Variants in DDX10 observed in about 807,000 individuals in gnomAD.
DDX10 encodes the protein probable ATP-dependent RNA helicase DDX10.
A neutral mutation model predicts 104.3 loss-of-function variants in DDX10; 74 were observed. The ratio of observed to expected loss-of-function variants is 0.71; its 90% CI spans 0.59 to 0.86. The LOEUF is 0.86. DDX10 is among the 40% of genes least tolerant of loss of function. DDX10 has a pLI of 0.00. For synonymous variants in DDX10, 351 were observed against 353.4 expected, an observed-to-expected ratio of 0.99 and a Z score of 0.08; for missense variants, 952 against 1,040.0, an observed-to-expected ratio of 0.92 and a Z score of 1.16.
chr11:108,727,630 A>C (rs533963796), intron 13 of DDX10: 1 of 152,960 alleles, frequency 6.5e-6, no homozygotes, highest in South Asian at 2.1e-4. Context: ...TCTATTTTAG[A>C]AATCAATTAA....
intron 13 of DDX10, among the ~76,000 whole-genome samples, chr11:108,728,805 C>T (rs1000118369): frequency 2.0e-5 from 3 of 152,052 alleles, no homozygotes; most frequent in African/African-American, 7.2e-5. Flanking sequence ...GGCAGTAAGC[C>T]GCTGTGCCCT....
intron 9 of DDX10, among the ~76,000 whole-genome samples, chr11:108,704,810 C>A (rs367978044): frequency 6.6e-6 from 1 of 152,176 alleles, no homozygotes; most frequent in Admixed American, 6.5e-5. Context: ...CTCCCTCTGT[C>A]CCCTGTCTGT....
At chr11:108,795,757 T>C in intron 13 of DDX10, among the ~76,000 whole-genome samples, 1 of 152,044 alleles carries the variant, frequency 6.6e-6, no homozygotes, top group East Asian at 1.9e-4. Flanking sequence ...GACATTTGGG[T>C]TGGTTCCAAG....
intron 13 of DDX10, among the ~76,000 whole-genome samples, chr11:108,807,145 G>T (rs1031996917): frequency 6.6e-6 from 1 of 152,126 alleles, no homozygotes; most frequent in African/African-American, 2.4e-5. Flanking sequence ...ATTTCCTAAT[G>T]AATTAGAGAT....
At chr11:108,672,083 A>G (rs1487217656) in intron 1 of DDX10, among the ~76,000 whole-genome samples, 1 of 151,800 alleles carries the variant, frequency 6.6e-6, no homozygotes, top group East Asian at 1.9e-4. Context: ...AAAAAAAAAA[A>G]AAAGGAATAT....
At chr11:108,767,042 C>A (rs1019248683) in intron 13 of DDX10, among the ~76,000 whole-genome samples, 1 of 152,160 alleles carries the variant, frequency 6.6e-6, no homozygotes, top group African/African-American at 2.4e-5. Flanking sequence ...GGGGTACCAG[C>A]TGTTTCAGCT....
chr11:108,800,979 A>G (rs988737379), intron 13 of DDX10, among the ~76,000 whole-genome samples: 4 of 152,226 alleles, frequency 2.6e-5, no homozygotes, highest in African/African-American at 9.6e-5. Flanking sequence ...GTATTAATAT[A>G]TGCTTAAATT....
chr11:108,838,381 T>C, intron 13 of DDX10, 65 bp from the exon 14 acceptor site: 1 of 1,535,050 alleles, frequency 6.5e-7, no homozygotes, highest in South Asian at 1.3e-5. Context: ...ATTGCCAGAG[T>C]TGGATTGTTA....
At chr11:108,931,512 C>A (rs1863975207) in intron 17 of DDX10, among the ~76,000 whole-genome samples, 1 of 152,090 alleles carries the variant, frequency 6.6e-6, no homozygotes, top group Non-Finnish European at 1.5e-5. Context: ...TGTTAAGTAA[C>A]TATTTTTAAA....
At chr11:108,838,630 C>G in intron 14 of DDX10, 65 bp downstream of exon 14, 1 of 1,513,616 alleles carries the variant, frequency 6.6e-7, no homozygotes, top group Non-Finnish European at 8.9e-7. Context: ...TCGACTCTCT[C>G]TTACTTAGCA....
At chr11:108,788,047 C>T (rs546693137) in intron 13 of DDX10, among the ~76,000 whole-genome samples, 2 of 152,328 alleles carry the variant, frequency 1.3e-5, no homozygotes, top group South Asian at 4.1e-4. Flanking sequence ...GATTGTTTTA[C>T]TGTATTCCTT....
chr11:108,723,876 C>G (rs1020662506), intron 13 of DDX10, among the ~76,000 whole-genome samples: 1 of 152,050 alleles, frequency 6.6e-6, no homozygotes. Flanking sequence ...ACTCTTAGTG[C>G]GACATTTGTT....
At chr11:108,786,771 G>T (rs569515527) in intron 13 of DDX10, among the ~76,000 whole-genome samples, 1 of 152,170 alleles carries the variant, frequency 6.6e-6, no homozygotes, top group African/African-American at 2.4e-5. Flanking sequence ...GAAGGCACCA[G>T]ACAGTTGGGT....
intron 13 of DDX10, among the ~76,000 whole-genome samples, chr11:108,817,743 G>C (rs1028754402): frequency 1.3e-5 from 2 of 152,262 alleles, no homozygotes; most frequent in South Asian, 2.1e-4. Context: ...CTTAAAAAGT[G>C]CTTTTAAATA....
Position 108,852,184 on chromosome 11 carries a change from G to A in DDX10, c.2279G>A (p.Arg760Lys), listed in dbSNP as rs1429217623. The A allele has an allele frequency of 1.2e-6, 2 of 1,611,524 alleles. No individual in the cohort carries two copies. The highest frequency in any genetic ancestry group is 2.2e-5 in the South Asian group (2 of 90,646). ...AGACTGAAAGAAAGGGAAGCCAGAA[G>A]AGAAGCCAACAAGAGACAAGCAAAG... is the stretch of plus-strand genomic sequence containing the variant. ...EKRLKEREAR[R>K]EANKRQAKAK... Residue 760 changes from arginine to lysine, a missense_variant, in exon 16 of 18, where the codon AGA (arginine) becomes AAA (lysine). This residue lies in a region of DDX10 where 533 missense variants were observed against 534.1 expected (regional missense o/e 1.00). Transcript: ENST00000322536.
At chr11:108,675,923 A>G (rs1014641240) in intron 3 of DDX10, 197 bp downstream of exon 3, 5 of 589,770 alleles carry the variant, frequency 8.5e-6, no homozygotes, top group Non-Finnish European at 1.2e-5. Context: ...AGTGCCTTGC[A>G]TGTGGCAGGC....
rs557579397 is a variant in DDX10 at position 108,893,851 on chromosome 11, T to C, written c.2305-24022T>C. On this transcript the variant is annotated intron_variant, in intron 16 of 17. Coordinates refer to ENST00000322536, the MANE Select transcript of DDX10 (RefSeq NM_004398.4). ...TTTCTCCAGAGAAAGTAATAGAAAA[T>C]AGAAATTTCATGCAAATGTATGCAG... Among the ~76,000 whole-genome samples the C allele has an allele frequency of 1.3e-3, 204 of 152,076 alleles. 4 individuals carry two copies. Among genetic ancestry groups the C allele is most frequent in the South Asian group, 3.9e-3 (19 of 4,826 alleles).
intron 13 of DDX10, among the ~76,000 whole-genome samples, chr11:108,753,187 T>C (rs1370597945): frequency 6.6e-6 from 1 of 152,106 alleles, no homozygotes; most frequent in East Asian, 1.9e-4. Context: ...CAAGACTGAG[T>C]GCTCATTAAA....
chr11:108,774,702 C>T (rs1257061999), intron 13 of DDX10, among the ~76,000 whole-genome samples: 8 of 152,242 alleles, frequency 5.3e-5, no homozygotes, highest in African/African-American at 1.9e-4. Context: ...TCTGTGTTTT[C>T]TCCAGCCAAG....
Sources: gnomAD v4.1 joint callset for allele counts (sites outside exome capture counted in the v4.1 genomes callset) on GRCh38, gnomAD v4.1.1 for gene constraint, gnomAD v4.1.1 regional missense constraint, MANE v1.5 for transcripts, NCBI Gene and HGNC (gene_info 2026-07-23, HGNC 2026-07-21) for gene names.